Variants in ZMIZ1 observed in about 807,000 individuals in gnomAD.
ZMIZ1 encodes zinc finger MIZ-type containing 1.
A neutral mutation model predicts 113.9 loss-of-function variants in ZMIZ1; 17 were observed. The observed-to-expected ratio is 0.15, with a 90% CI of 0.10 to 0.22. The LOEUF is 0.22. Ranked by LOEUF, ZMIZ1 falls within the 10% of genes least tolerant of loss-of-function variation. ZMIZ1 has a pLI of 1.00. For synonymous variants in ZMIZ1, 607 were observed against 603.1 expected (o/e 1.01, Z -0.09); for missense variants, 1,059 against 1,477.8 (o/e 0.72, Z 4.65).
chr10:79,308,604 G>A (rs939099512), intron 23 of ZMIZ1, among the ~76,000 whole-genome samples: 1 of 152,212 alleles, frequency 6.6e-6, no homozygotes, highest in African/African-American at 2.4e-5. Context: ...GACTCTAGGT[G>A]AGGTAGCAGC....
At position 79,069,641 on chromosome 10, in the gene ZMIZ1, G is replaced by A. The variant is rs1308071160; in HGVS notation, c.-337+371G>A. Reference sequence around the variant, plus strand: ...GGCCGGGCAGGACCGGGAATCGGAGGAGGGAGGGAAGGACCGCCTCGGTCT... The same window carrying A: ...GGCCGGGCAGGACCGGGAATCGGAGAAGGGAGGGAAGGACCGCCTCGGTCT... On this transcript the variant is annotated intron_variant, in intron 1 of 24. Transcript: ENST00000334512. The surrounding 1 kb of genome is among the most constrained non-coding windows in gnomAD (Gnocchi z 4.6). 6.6e-6 allele frequency among the ~76,000 whole-genome samples: 1 copy of A among 152,116 alleles called. No homozygotes were observed. The highest frequency in any genetic ancestry group is 6.5e-5 in the Admixed American group (1 of 15,284).
At chr10:79,183,358 G>GCA (rs57212618) in intron 4 of ZMIZ1, among the ~76,000 whole-genome samples, 9,287 of 150,764 alleles carry the variant, frequency 0.062, 314 homozygotes, top group African/African-American at 0.067. Flanking sequence ...TCGTGCACGC[G>GCA]CACACACACA....
At chr10:79,159,974 C>T (rs1386857737) in intron 3 of ZMIZ1, among the ~76,000 whole-genome samples, 1 of 152,258 alleles carries the variant, frequency 6.6e-6, no homozygotes, top group Non-Finnish European at 1.5e-5. Flanking sequence ...CTGGCCGATG[C>T]TCACTGGGGA....
chr10:79,285,639 G>C, intron 8 of ZMIZ1: 1 of 449,262 alleles, frequency 2.2e-6, no homozygotes, highest in South Asian at 1.6e-5. Flanking sequence ...GCAGAGAGGT[G>C]GTTTCTCCCT....
intron 7 of ZMIZ1, among the ~76,000 whole-genome samples, chr10:79,248,632 T>C (rs1850354906): frequency 6.6e-6 from 1 of 152,188 alleles, no homozygotes; most frequent in Non-Finnish European, 1.5e-5. Flanking sequence ...GGTTCCTGTT[T>C]TGTGGTTGCC....
chr10:79,168,673 A>T (rs1246798358), intron 4 of ZMIZ1, among the ~76,000 whole-genome samples: 1 of 152,200 alleles, frequency 6.6e-6, no homozygotes, highest in Non-Finnish European at 1.5e-5. Flanking sequence ...TCCACGAGAA[A>T]TAATGCTGTG....
At chr10:79,240,395 G>A (rs1168524170) in intron 7 of ZMIZ1, among the ~76,000 whole-genome samples, 1 of 152,210 alleles carries the variant, frequency 6.6e-6, no homozygotes, top group Non-Finnish European at 1.5e-5. Flanking sequence ...GAGAAGTGGA[G>A]TTGGAACTCG....
intron 2 of ZMIZ1, among the ~76,000 whole-genome samples, chr10:79,139,221 AG>A: frequency 6.6e-6 from 1 of 152,158 alleles, no homozygotes; most frequent in Non-Finnish European, 1.5e-5. Flanking sequence ...GGGGTCACAG[AG>A]TGGCTTTGGA....
At chr10:79,274,642 C>T (rs922208106) in intron 7 of ZMIZ1, among the ~76,000 whole-genome samples, 1 of 152,250 alleles carries the variant, frequency 6.6e-6, no homozygotes, top group Admixed American at 6.5e-5. Flanking sequence ...CCTCTGTGCT[C>T]ACCGGCCTCG....
intron 3 of ZMIZ1, among the ~76,000 whole-genome samples, chr10:79,142,517 T>C (rs1475723494): frequency 1.3e-5 from 2 of 152,066 alleles, no homozygotes; most frequent in Admixed American, 1.3e-4. Flanking sequence ...TGCTGGGCAG[T>C]GCATGGAAAG....
intron 23 of ZMIZ1, among the ~76,000 whole-genome samples, chr10:79,309,897 G>A (rs1589619924): frequency 6.6e-6 from 1 of 152,316 alleles, no homozygotes; most frequent in African/African-American, 2.4e-5. Context: ...AGTGGGGCTG[G>A]GGGCTGTCAG....
In ZMIZ1 at chr10:79,296,935, TA is replaced by T. The variant is rs1405938099; in HGVS notation, c.1413+289del. On this transcript the variant is annotated intron_variant, in intron 13 of 24. Coordinates refer to ENST00000334512, the MANE Select transcript of ZMIZ1 (RefSeq NM_020338.4). The surrounding 1 kb of genome is among the most constrained non-coding windows in gnomAD (Gnocchi z 4.1). ...AAATAATAAAGGAAATATATTTTAT[TA>T]AAAAAACACACATCCCCTGTATATA... 3 of 331,122 alleles carry T rather than the reference TA, an allele frequency of 9.1e-6. No homozygotes were observed. The highest frequency in any genetic ancestry group is 2.1e-5 in the African/African-American group (1 of 46,818). The allele number at this position is 331,122 out of a possible 1,614,324, so 20.5% of individuals were successfully genotyped here. A position where few individuals can be genotyped will look rare whatever the true frequency, so the allele number is the denominator to read the frequency against.
chr10:79,271,901 C>T (rs945320206), intron 7 of ZMIZ1, among the ~76,000 whole-genome samples: 3 of 152,150 alleles, frequency 2.0e-5, no homozygotes, highest in Admixed American at 6.6e-5. Flanking sequence ...AGAGCACACA[C>T]GGCGCTGAGA....
chr10:79,277,261 G>A lies in ZMIZ1; in HGVS notation c.361G>A (p.Gly121Arg). ...GAAGAGCCGCCAGAGCGATCCCCCT[G>A]GGAAACTCCCCATGCAGCCCCCTCT... ...HQKSRQSDPPGKLPMQPPLSS... is the reference protein window; with the variant it reads ...HQKSRQSDPPRKLPMQPPLSS... The change falls in exon 8 of 25, where the codon GGG becomes AGG. Residue 121 changes from glycine (G) to arginine (R), a missense_variant. Coordinates refer to ENST00000334512, the MANE Select transcript of ZMIZ1 (RefSeq NM_020338.4). 1 of 1,597,940 alleles carries A rather than the reference G, an allele frequency of 6.3e-7. No homozygotes were observed. Among genetic ancestry groups the A allele is most frequent in the Non-Finnish European group, 8.5e-7 (1 of 1,173,198 alleles).
At chr10:79,222,795 G>A (rs1849033431) in intron 7 of ZMIZ1, among the ~76,000 whole-genome samples, 1 of 152,182 alleles carries the variant, frequency 6.6e-6, no homozygotes, top group Non-Finnish European at 1.5e-5. Flanking sequence ...AGCAGCCCCA[G>A]GGCTCAGAGA....
chr10:79,220,307 T>C (rs995406792), intron 7 of ZMIZ1, among the ~76,000 whole-genome samples: 4 of 152,218 alleles, frequency 2.6e-5, no homozygotes, highest in African/African-American at 9.6e-5. Flanking sequence ...TGTCTGTCTC[T>C]TAGCTGATGT....
chr10:79,296,299 T>C lies in ZMIZ1; in HGVS notation c.1231-172T>C. 2.8e-6 allele frequency: 2 copies of C among 719,944 alleles called. No homozygotes were observed. The highest frequency in any genetic ancestry group is 3.4e-5 in the South Asian group (2 of 58,014). The allele number at this position is 719,944 out of a possible 1,614,324, so 44.6% of individuals were successfully genotyped here. On this transcript the variant is annotated intron_variant, in intron 12 of 24. Coordinates refer to ENST00000334512, the MANE Select transcript of ZMIZ1 (RefSeq NM_020338.4). The surrounding 1 kb of genome is among the most constrained non-coding windows in gnomAD (Gnocchi z 4.1). ...TATGATCTGGACAGGCAGAACAAAA[T>C]GCCCCTGGATGTCAGGACGAGAAGG...
intron 2 of ZMIZ1, among the ~76,000 whole-genome samples, chr10:79,122,320 G>C (rs1473486370): frequency 1.3e-5 from 2 of 152,104 alleles, no homozygotes; most frequent in African/African-American, 4.8e-5. Context: ...CTTTGGCCGG[G>C]GTGGAGTGGC....
chr10:79,262,647 G>A (rs1322343173), intron 7 of ZMIZ1, among the ~76,000 whole-genome samples: 1 of 152,214 alleles, frequency 6.6e-6, no homozygotes, highest in Non-Finnish European at 1.5e-5. Context: ...CCTCCCCTCA[G>A]TGTTCTATAA....
Sources: allele counts gnomAD v4.1 joint callset (sites outside exome capture counted in the v4.1 genomes callset), GRCh38; gene constraint gnomAD v4.1.1; non-coding constraint Gnocchi (gnomAD v3.1); transcripts MANE v1.5; gene names NCBI Gene and HGNC (gene_info 2026-07-23, HGNC 2026-07-21).